Variants in ELMO1 observed in about 807,000 individuals in gnomAD.
The protein encoded by ELMO1 is engulfment and cell motility protein 1.
ELMO1 carries 26 observed loss-of-function variants against 98.9 expected under a neutral mutation model. The ratio of observed to expected loss-of-function variants is 0.26; its 90% CI spans 0.19 to 0.36. The LOEUF is 0.36. ELMO1 is among the 10% of genes least tolerant of loss of function. The probability of loss-of-function intolerance (pLI) is 1.00; values close to 1 mark genes in which losing one functional copy is unlikely to be tolerated. For missense variants in ELMO1, 627 were observed against 935.2 expected (o/e 0.67, Z 4.30); for synonymous variants, 346 against 346.0 (o/e 1.00, Z 0.00).
chr7:37,216,411 C>G (rs10230588), intron 11 of ELMO1, among the ~76,000 whole-genome samples: 42,589 of 151,914 alleles, frequency 0.28, 6,633 homozygotes, highest in African/African-American at 0.41. Flanking sequence ...CCCCCTTTCT[C>G]TCTCCAGAGC....
chr7:37,286,021 A>T (rs553259410), intron 4 of ELMO1, among the ~76,000 whole-genome samples: 2 of 151,032 alleles, frequency 1.3e-5, no homozygotes, highest in Non-Finnish European at 2.9e-5. Context: ...CACTTATAGG[A>T]AAGAAACTCA....
At chr7:37,169,434 G>A (rs1263820629) in intron 13 of ELMO1, among the ~76,000 whole-genome samples, 3 of 152,110 alleles carry the variant, frequency 2.0e-5, no homozygotes, top group African/African-American at 4.8e-5. Flanking sequence ...CTTCTGCGTC[G>A]CTCACGCTGG....
At chr7:36,874,929 C>G (rs1803824393) in intron 19 of ELMO1, among the ~76,000 whole-genome samples, 1 of 152,150 alleles carries the variant, frequency 6.6e-6, no homozygotes, top group Admixed American at 6.5e-5. Context: ...GAGAAGACAG[C>G]CAAGGAGGCA....
chr7:37,167,376 T>G (rs947154308), intron 13 of ELMO1, among the ~76,000 whole-genome samples: 1 of 152,120 alleles, frequency 6.6e-6, no homozygotes, highest in Non-Finnish European at 1.5e-5. Flanking sequence ...TTTGATCCTG[T>G]CATTATGATG....
intron 16 of ELMO1, among the ~76,000 whole-genome samples, chr7:36,907,990 A>G (rs940784459): frequency 6.6e-6 from 1 of 152,176 alleles, no homozygotes; most frequent in Non-Finnish European, 1.5e-5. Flanking sequence ...AAGTCCCAAT[A>G]AGCACTAACT....
chr7:37,248,185 G>C (rs1429820871), intron 6 of ELMO1, among the ~76,000 whole-genome samples: 1 of 131,604 alleles, frequency 7.6e-6, no homozygotes, highest in East Asian at 2.3e-4. Context: ...GCCCTAAGTG[G>C]GATTTTATAT....
intron 16 of ELMO1, among the ~76,000 whole-genome samples, chr7:36,967,182 A>G (rs1186446985): frequency 6.6e-6 from 1 of 152,220 alleles, no homozygotes; most frequent in Non-Finnish European, 1.5e-5. Flanking sequence ...CTAAAATATA[A>G]GAAATACATG....
chr7:37,185,256 T>C (rs1420835508), intron 13 of ELMO1, among the ~76,000 whole-genome samples: 1 of 152,222 alleles, frequency 6.6e-6, no homozygotes. Context: ...TCAAAGATAT[T>C]ACAATAGAAT....
At chr7:37,132,183 C>T (rs1026784643) in intron 14 of ELMO1, among the ~76,000 whole-genome samples, 5 of 152,124 alleles carry the variant, frequency 3.3e-5, no homozygotes, top group Admixed American at 6.5e-5. Context: ...GTGCCAGGCT[C>T]GAACCCAGGT....
At chr7:36,973,436 C>CT (rs1056056534) in intron 16 of ELMO1, among the ~76,000 whole-genome samples, 4 of 152,234 alleles carry the variant, frequency 2.6e-5, no homozygotes, top group Non-Finnish European at 5.9e-5. Flanking sequence ...GAGCAATAGA[C>CT]TGAGTGAGGG....
At position 37,342,643 on chromosome 7, in the gene ELMO1, G is replaced by T; in HGVS notation, c.48C>A (p.Gly16=). 6.2e-7 allele frequency: 1 copy of T among 1,613,146 alleles called. No individual in the cohort carries two copies. Residue 16 remains glycine, a synonymous_variant, in exon 2 of 22, where the codon GGC becomes GGA. Transcript: ENST00000310758. The surrounding 1 kb of genome is among the most constrained non-coding windows in gnomAD (Gnocchi z 4.3). The stretch of plus-strand genomic sequence containing the variant: ...CAATTTCCATGAGTTTGGGGTAGGC[G>T]CCCGGCCATTCTATGGCCACCTTGA... ...DIVKVAIEWP[G]AYPKLMEIDQ... is the part of the protein sequence containing the mutation.
chr7:37,188,501 A>AAATAAT (rs57721398), intron 13 of ELMO1, among the ~76,000 whole-genome samples: 8,321 of 125,800 alleles, frequency 0.066, 713 homozygotes, highest in South Asian at 0.17. Flanking sequence ...AAAAAAAAAA[A>AAATAAT]AATAATAATA....
chr7:36,927,176 C>T (rs181953810), intron 16 of ELMO1, among the ~76,000 whole-genome samples: 2 of 152,168 alleles, frequency 1.3e-5, no homozygotes, highest in Non-Finnish European at 1.5e-5. Flanking sequence ...ACAAGAAAAC[C>T]GAGGCAACTT....
At chr7:37,291,767 T>C (rs1797690324) in intron 4 of ELMO1, among the ~76,000 whole-genome samples, 1 of 151,968 alleles carries the variant, frequency 6.6e-6, no homozygotes, top group Non-Finnish European at 1.5e-5. Flanking sequence ...ATACAAAAAT[T>C]AGCCAGGTGT....
Position 36,958,219 on chromosome 7 carries a change from A to G in ELMO1, c.1437+55080T>C, listed in dbSNP as rs145745966. Among the ~76,000 whole-genome samples the G allele has an allele frequency of 8.0e-3, 1,220 of 152,196 alleles. 12 individuals carry two copies. The highest frequency in any genetic ancestry group is 0.028 in the African/African-American group (1,152 of 41,504). ...ATCCCCAGTACCTCTTCTCTCTATC[A>G]TATTTGCTTAGCAAAACCAACCTAG... On this transcript the variant is annotated intron_variant, in intron 16 of 21. Coordinates refer to ENST00000310758, the MANE Select transcript of ELMO1 (RefSeq NM_014800.11).
intron 1 of ELMO1, among the ~76,000 whole-genome samples, chr7:37,391,594 C>G (rs979955217): frequency 1.3e-5 from 2 of 152,196 alleles, no homozygotes; most frequent in African/African-American, 2.4e-5. Context: ...CCAGGAGGTG[C>G]ACACGGCCTT....
rs575814501 is a variant in ELMO1 at position 37,204,776 on chromosome 7, A to G, written c.1086+6610T>C. Among the ~76,000 whole-genome samples, 218 of 152,074 alleles carry G rather than the reference A, an allele frequency of 1.4e-3. 1 individual carries two copies. Among genetic ancestry groups the G allele is most frequent in the South Asian group, 8.5e-3 (41 of 4,810 alleles). ...CTAGACACAGAGCACTGATTGGTGC[A>G]TTTACAATCCTTTAGCTAGAAAGAA... On this transcript the variant is annotated intron_variant, in intron 13 of 21. Transcript: ENST00000310758.
At chr7:36,924,451 C>T (rs1004431438) in intron 16 of ELMO1, among the ~76,000 whole-genome samples, 1 of 152,068 alleles carries the variant, frequency 6.6e-6, no homozygotes, top group African/African-American at 2.4e-5. Flanking sequence ...TAAAAGAAAA[C>T]CAATGCTGTA....
intron 8 of ELMO1, among the ~76,000 whole-genome samples, chr7:37,231,257 C>A (rs1794158699): frequency 6.6e-6 from 1 of 152,022 alleles, no homozygotes; most frequent in Non-Finnish European, 1.5e-5. Context: ...ATCCTACCCC[C>A]CTCATTCAAC....
Sources: gnomAD v4.1 joint callset for allele counts (sites outside exome capture counted in the v4.1 genomes callset) on GRCh38, gnomAD v4.1.1 for gene constraint, Gnocchi (gnomAD v3.1) non-coding constraint, MANE v1.5 for transcripts, NCBI Gene and HGNC (gene_info 2026-07-23, HGNC 2026-07-21) for gene names.